The following TPM4 variants were observed in gnomAD, a reference collection of about 807,000 sequenced individuals.
TPM4 encodes the protein tropomyosin 4.
In TPM4, 17 loss-of-function variants were observed where a neutral mutation model predicts 35.8. That is an observed-to-expected ratio of 0.47 (90% CI 0.32 to 0.71). TPM4 has a LOEUF of 0.71. Ranked by LOEUF, TPM4 falls within the 30% of genes least tolerant of loss-of-function variation. The pLI is 0.03. For missense variants in TPM4, 240 were observed against 320.9 expected (o/e 0.75, Z 1.93); for synonymous variants, 120 against 122.9 (o/e 0.98, Z 0.15).
At chr19:16,090,752 T>C (rs983937575) in intron 5 of TPM4, among the ~76,000 whole-genome samples, 1 of 152,102 alleles carries the variant, frequency 6.6e-6, no homozygotes. Context: ...ACAGGAACCA[T>C]GTCATCTTGT....
chr19:16,083,958 G>A (rs1227822838), intron 2 of TPM4, among the ~76,000 whole-genome samples: 3 of 151,518 alleles, frequency 2.0e-5, no homozygotes, highest in Non-Finnish European at 4.4e-5. Context: ...ACAGAGTCTC[G>A]CTCTGTCGCC....
rs543196712 is a variant in TPM4 at position 16,070,963 on chromosome 19, A to C, written c.114+3225A>C. 6.6e-6 allele frequency among the ~76,000 whole-genome samples: 1 copy of C among 152,344 alleles called. No homozygotes were observed. The highest frequency in any genetic ancestry group is 6.5e-5 in the Admixed American group (1 of 15,312). ...CAGAGATTCGGAGAGAAACAAGTTTATAGCACTAATTCTTACTAAGGTGTG... is the reference window on the plus strand; with the variant it reads ...CAGAGATTCGGAGAGAAACAAGTTTCTAGCACTAATTCTTACTAAGGTGTG... On this transcript the variant is annotated intron_variant, in intron 2 of 2. Coordinates refer to the TPM4 transcript ENST00000589897. This position sits in a 1 kb window ranked among gnomAD's most constrained non-coding sequence, Gnocchi z 7.4.
At chr19:16,094,593 CA>C (rs2090671271) in intron 7 of TPM4, among the ~76,000 whole-genome samples, 1 of 151,544 alleles carries the variant, frequency 6.6e-6, no homozygotes, top group Non-Finnish European at 1.5e-5. Context: ...AGATGCCTTG[CA>C]TTTTTTTTTT....
At chr19:16,099,078 G>GTGTGTGTGTGTGTGTT (rs1555711802) in intron 7 of TPM4, among the ~76,000 whole-genome samples, 3 of 150,424 alleles carry the variant, frequency 2.0e-5, no homozygotes, top group African/African-American at 4.9e-5. Flanking sequence ...CTCTGTGTGT[G>GTGTGTGTGTGTGTGTT]TGTGTGTGTG....
At position 16,067,717 on chromosome 19, in the gene TPM4, C is replaced by A. The variant is rs765966408; in HGVS notation, c.93C>A (p.Ala31=). 3.1e-6 allele frequency: 5 copies of A among 1,613,110 alleles called. No individual in the cohort carries two copies. The highest frequency in any genetic ancestry group is 2.7e-5 in the African/African-American group (2 of 75,028). The change falls in exon 2 of 3, where the codon GCC becomes GCA. Residue 31 remains alanine (A), a synonymous_variant. Coordinates refer to the TPM4 transcript ENST00000589897. The surrounding 1 kb of genome is among the most constrained non-coding windows in gnomAD (Gnocchi z 4.1). ...AGCAGGCGGAGGCGGATAAGAAAGC[C>A]GCTGAGGACAAGTGCAAGCAGGTGA...
chr19:16,093,295 G>A (rs1439781819), intron 5 of TPM4, among the ~76,000 whole-genome samples: 1 of 151,370 alleles, frequency 6.6e-6, no homozygotes, highest in African/African-American at 2.4e-5. Context: ...TCCCAGGTTC[G>A]AGTGAGTCTT....
intron 1 of TPM4, chr19:16,078,066 C>A: frequency 2.5e-6 from 1 of 398,418 alleles, no homozygotes; most frequent in Non-Finnish European, 4.4e-6. Context: ...AGCCACGGCG[C>A]CCAGCCTCAA....
intron 1 of TPM4, among the ~76,000 whole-genome samples, chr19:16,077,789 T>C (rs79301674): frequency 0.038 from 5,743 of 152,210 alleles, 186 homozygotes; most frequent in African/African-American, 0.092. Flanking sequence ...TTTGAGGCAG[T>C]CTCACTCTGT....
At chr19:16,093,927 G>A (rs1381565809) in intron 7 of TPM4, among the ~76,000 whole-genome samples, 174 bp downstream of exon 7, 2 of 150,066 alleles carry the variant, frequency 1.3e-5, no homozygotes. Flanking sequence ...ATAGGATAAT[G>A]CAAAGCATTC....
chr19:16,069,501 G>A (rs1326791099), intron 2 of TPM4, among the ~76,000 whole-genome samples: 2 of 1,120 alleles, frequency 1.8e-3, no homozygotes, highest in Non-Finnish European at 3.5e-3. Flanking sequence ...GATGGGGTGT[G>A]TGTATGATTG....
chr19:16,069,336 T>C (rs1052936447), intron 2 of TPM4, among the ~76,000 whole-genome samples: 1 of 152,040 alleles, frequency 6.6e-6, no homozygotes, highest in Non-Finnish European at 1.5e-5. Context: ...GGTGTGTGTA[T>C]GGTTGTGTGT....
At chr19:16,087,433 C>T (rs1031830748) in intron 3 of TPM4, among the ~76,000 whole-genome samples, 21 of 151,782 alleles carry the variant, frequency 1.4e-4, no homozygotes, top group African/African-American at 4.6e-4. Context: ...AAAAATTAGC[C>T]GGGCATGGTC....
rs996086953 is a variant in TPM4, at chr19:16,093,468, C to T, written c.532-68C>T. On this transcript the variant is annotated intron_variant, in intron 5 of 7. Transcript: ENST00000643579. ...CTCAGGCTCCCAAAGTGCCAGGATT[C>T]CAGGCATGAGCCACCATGCCTGGCT... 4.3e-5 allele frequency: 68 copies of T among 1,583,304 alleles called. No individual in the cohort carries two copies. The South Asian group carries it at 7.4e-4, about 17-fold the overall frequency.
intron 1 of TPM4, chr19:16,078,062 G>C (rs779601587): frequency 2.8e-5 from 11 of 397,894 alleles, no homozygotes; most frequent in Non-Finnish European, 4.4e-5. Flanking sequence ...CGTGAGCCAC[G>C]GCGCCCAGCC....
upstream of TPM4, chr19:16,076,196 C>T: frequency 1.3e-6 from 2 of 1,552,160 alleles, no homozygotes; most frequent in Middle Eastern, 1.7e-4. Context: ...GATGCGGGAG[C>T]CCGCGGCGGG....
At chr19:16,085,438 C>T (rs923976308) in intron 2 of TPM4, among the ~76,000 whole-genome samples, 3 of 151,968 alleles carry the variant, frequency 2.0e-5, no homozygotes, top group Non-Finnish European at 2.9e-5. Flanking sequence ...CAGTGGTGCA[C>T]ACCTATAGTC....
chr19:16,073,366 G>T (rs1361918989), upstream of TPM4, among the ~76,000 whole-genome samples: 1 of 152,158 alleles, frequency 6.6e-6, no homozygotes, highest in East Asian at 1.9e-4. Context: ...TGTAGGTCAG[G>T]GTTGACCTAT....
At chr19:16,093,490 G>A in intron 5 of TPM4, 46 bp from the exon 6 acceptor site, 1 of 1,610,324 alleles carries the variant, frequency 6.2e-7, no homozygotes, top group Non-Finnish European at 8.5e-7. Flanking sequence ...CACCATGCCT[G>A]GCTGGGCCTC....
At chr19:16,092,076 CAG>C (rs1011728197) in intron 5 of TPM4, among the ~76,000 whole-genome samples, 2 of 151,144 alleles carry the variant, frequency 1.3e-5, no homozygotes, top group African/African-American at 4.9e-5. Flanking sequence ...GAGGCTGAGT[CAG>C]GGGAATTGCT....
Sources: allele counts gnomAD v4.1 joint callset (sites outside exome capture counted in the v4.1 genomes callset), GRCh38; gene constraint gnomAD v4.1.1; non-coding constraint Gnocchi (gnomAD v3.1); transcripts MANE v1.5; gene names NCBI Gene and HGNC (gene_info 2026-07-23, HGNC 2026-07-21).